TM4SF4: variants seen among roughly 807,000 people sequenced by gnomAD.
TM4SF4 encodes transmembrane 4 L six family member 4, also known as transmembrane 4 L6 family member 4.
In TM4SF4, 24 loss-of-function variants were observed where a neutral mutation model predicts 24.1. The observed-to-expected ratio is 1.00, with a 90% CI of 0.72 to 1.40. The LOEUF is 1.40. TM4SF4 is among the 40% of genes most tolerant of loss of function. The pLI, the probability that TM4SF4 is intolerant of heterozygous loss-of-function variation, is 0.00. For synonymous variants in TM4SF4, 113 were observed against 97.0 expected (o/e 1.17, Z -0.97); for missense variants, 254 against 254.2 (o/e 1.00, Z 0.01).
chr3:149,493,018 G>A (rs1378181995), intron 3 of TM4SF4, among the ~76,000 whole-genome samples: 2 of 152,072 alleles, frequency 1.3e-5, no homozygotes, highest in East Asian at 3.9e-4. Context: ...GAAATGAATG[G>A]GAGTAACAGC....
intron 2 of TM4SF4, among the ~76,000 whole-genome samples, chr3:149,476,655 C>T (rs1733932960): frequency 6.6e-6 from 1 of 152,162 alleles, no homozygotes; most frequent in Admixed American, 6.5e-5. Context: ...AGCTCTGGTG[C>T]TACACAGATG....
At position 149,497,328 on chromosome 3, in the gene TM4SF4, C is replaced by G. The variant is rs553881654; in HGVS notation, c.402-1394C>G. 7.2e-5 allele frequency among the ~76,000 whole-genome samples: 11 copies of G among 152,318 alleles called. No homozygotes were observed. The South Asian group carries it at 2.3e-3, about 32-fold the overall frequency. ...GTACACAAGGCACACAGCTAGCAAG[C>G]TGCTAGTACCTGTACTCTTATGGAA... On this transcript the variant is annotated intron_variant, in intron 3 of 4. Transcript: ENST00000305354.
chr3:149,490,911 G>C (rs1029842075), intron 3 of TM4SF4, among the ~76,000 whole-genome samples: 2 of 152,056 alleles, frequency 1.3e-5, no homozygotes, highest in Non-Finnish European at 2.9e-5. Flanking sequence ...TCTTGTTCTT[G>C]TTCTTCTTCC....
chr3:149,474,738 GA>G lies in TM4SF4; in HGVS notation c.-137del. ...AGCAACTCCAAGGACACAGTTCACA[GA>G]AATTTGGTTCTCAGCCCCAAAATAC... is the stretch of plus-strand genomic sequence containing the variant. On this transcript the variant is annotated 5_prime_UTR_variant, in exon 1 of 5. Coordinates refer to ENST00000305354, the MANE Select transcript of TM4SF4 (RefSeq NM_004617.4). The G allele has an allele frequency of 1.2e-6, 1 of 815,600 alleles. No individual in the cohort carries two copies. The allele number at this position is 815,600 out of a possible 1,614,324, so 50.5% of individuals were successfully genotyped here. A position where few individuals can be genotyped will look rare whatever the true frequency, so the allele number is the denominator to read the frequency against.
At chr3:149,499,048 A>C in intron 4 of TM4SF4, 137 bp downstream of exon 4, 1 of 836,260 alleles carries the variant, frequency 1.2e-6, no homozygotes, top group Non-Finnish European at 1.9e-6. Flanking sequence ...AAACCAGCCC[A>C]GGTTGGGAAG....
chr3:149,487,750 C>G lies in TM4SF4; in HGVS notation c.396C>G (p.His132Gln). Residue 132 changes from histidine to glutamine, a missense_variant, in exon 3 of 5, where the codon CAC becomes CAG. Coordinates refer to ENST00000305354, the MANE Select transcript of TM4SF4 (RefSeq NM_004617.4). ...MANSTWGYPFHDGDYLNDEAL... is the reference protein window; with the variant it reads ...MANSTWGYPFQDGDYLNDEAL... ...ATAGTACATGGGGCTACCCCTTCCA[C>G]GACGGGTAAGGCCACACCCTGCAAT... 6.2e-7 allele frequency: 1 copy of G among 1,613,950 alleles called. No individual in the cohort carries two copies. The highest frequency in any genetic ancestry group is 8.5e-7 in the Non-Finnish European group (1 of 1,179,842).
intron 1 of TM4SF4, 140 bp from the exon 2 acceptor site, chr3:149,475,683 C>G (rs1733915385): frequency 1.5e-6 from 1 of 685,260 alleles, no homozygotes; most frequent in African/African-American, 1.8e-5. Flanking sequence ...CATTACCCCT[C>G]CAGCCATGCT....
At chr3:149,496,187 A>T (rs1382054925) in intron 3 of TM4SF4, among the ~76,000 whole-genome samples, 6 of 150,556 alleles carry the variant, frequency 4.0e-5, no homozygotes, top group African/African-American at 1.5e-4. Context: ...TTTTTTTTTC[A>T]TGCAGCAGTT....
Position 149,502,771 on chromosome 3 carries a change from AT to A in TM4SF4, c.*80del. Reference sequence around the variant, plus strand: ...TCATAAAACTTCTTCTCTTCTTGGAATTATTAATTCCTATCTGCTTCCTAGC... The same window carrying A: ...TCATAAAACTTCTTCTCTTCTTGGAATATTAATTCCTATCTGCTTCCTAGC... On this transcript the variant is annotated 3_prime_UTR_variant, in exon 5 of 5. Coordinates refer to ENST00000305354, the MANE Select transcript of TM4SF4 (RefSeq NM_004617.4). The A allele has an allele frequency of 9.3e-7, 1 of 1,074,826 alleles. No individual in the cohort carries two copies. 66.6% of individuals were successfully genotyped at this position (1,074,826 alleles called of 1,614,324 possible).
intron 2 of TM4SF4, among the ~76,000 whole-genome samples, chr3:149,476,796 T>G (rs1437724320): frequency 1.4e-5 from 1 of 70,966 alleles, no homozygotes; most frequent in Non-Finnish European, 3.8e-5. Context: ...TTTTCTGTTT[T>G]TTTTTGTTTT....
At chr3:149,478,542 G>C (rs956948887) in intron 2 of TM4SF4, among the ~76,000 whole-genome samples, 1 of 152,110 alleles carries the variant, frequency 6.6e-6, no homozygotes, top group African/African-American at 2.4e-5. Context: ...TGTCTGTGGG[G>C]GCTGTCTAAG....
chr3:149,502,002 T>G (rs554677908), intron 4 of TM4SF4, among the ~76,000 whole-genome samples: 1 of 152,362 alleles, frequency 6.6e-6, no homozygotes, highest in East Asian at 1.9e-4. Flanking sequence ...CCTACGGTTG[T>G]CAATGGAGTG....
Position 149,481,691 on chromosome 3 carries a change from G to A in TM4SF4, c.264+5779G>A, listed in dbSNP as rs1251814326. ...TGTGTGGAGACAGCTGGGATCTGAT[G>A]GTACCTGTCTGTCTCCAGAGCCCAA... On this transcript the variant is annotated intron_variant, in intron 2 of 4. Transcript: ENST00000305354. 4.6e-5 allele frequency among the ~76,000 whole-genome samples: 7 copies of A among 152,138 alleles called. No individual in the cohort carries two copies. The East Asian group carries it at 1.2e-3, about 25-fold the overall frequency.
At chr3:149,497,522 CAAAG>C (rs1202023274) in intron 3 of TM4SF4, among the ~76,000 whole-genome samples, 4 of 152,126 alleles carry the variant, frequency 2.6e-5, no homozygotes, top group Non-Finnish European at 4.4e-5. Context: ...ATGGAGGAAA[CAAAG>C]AGACCAATTT....
At chr3:149,478,578 A>G (rs1458103551) in intron 2 of TM4SF4, among the ~76,000 whole-genome samples, 4 of 152,232 alleles carry the variant, frequency 2.6e-5, no homozygotes, top group Non-Finnish European at 4.4e-5. Context: ...TGCCCTTGGC[A>G]TGAATTGAGG....
chr3:149,475,951 G>A (rs1316530541), intron 2 of TM4SF4, 39 bp downstream of exon 2: 1 of 1,553,946 alleles, frequency 6.4e-7, no homozygotes, highest in Non-Finnish European at 8.8e-7. Flanking sequence ...AATTACTCCA[G>A]GGTGCTCTGT....
chr3:149,501,530 T>A (rs1486969482), intron 4 of TM4SF4, among the ~76,000 whole-genome samples: 1 of 152,232 alleles, frequency 6.6e-6, no homozygotes, highest in Non-Finnish European at 1.5e-5. Flanking sequence ...TTTTTGGACA[T>A]CACAAAGTTT....
At chr3:149,502,118 G>C (rs573109045) in intron 4 of TM4SF4, among the ~76,000 whole-genome samples, 4 of 152,178 alleles carry the variant, frequency 2.6e-5, no homozygotes, top group African/African-American at 9.7e-5. Flanking sequence ...AGGTAGCATA[G>C]CTTCAAGTTT....
rs374563898 is a variant in TM4SF4, at chr3:149,486,737, G to A, written c.265-882G>A. Among the ~76,000 whole-genome samples the A allele has an allele frequency of 2.6e-5, 4 of 152,268 alleles. No homozygotes were observed. In the South Asian group the frequency reaches 6.2e-4, roughly 24 times the overall value. On this transcript the variant is annotated intron_variant, in intron 2 of 4. Coordinates refer to ENST00000305354, the MANE Select transcript of TM4SF4 (RefSeq NM_004617.4). Reference sequence around the variant, plus strand: ...TAACTTAAAGAAGAGAAAATGCTCCGAGGGTGGAAGGGGTGAGAGATGTCA... The same window carrying A: ...TAACTTAAAGAAGAGAAAATGCTCCAAGGGTGGAAGGGGTGAGAGATGTCA...
Sources: allele counts gnomAD v4.1 joint callset (sites outside exome capture counted in the v4.1 genomes callset), GRCh38; gene constraint gnomAD v4.1.1; transcripts MANE v1.5; gene names NCBI Gene and HGNC (gene_info 2026-07-23, HGNC 2026-07-21).